The following ELFN1 variants were observed in gnomAD, a reference collection of about 807,000 sequenced individuals.
ELFN1 encodes protein ELFN1.
In ELFN1, 6 loss-of-function variants were observed where a neutral mutation model predicts 7.6. That is an observed-to-expected ratio of 0.79 (90% CI 0.43 to 1.56). The LOEUF (loss-of-function observed/expected upper bound fraction) is 1.56. Ranked by LOEUF, ELFN1 falls within the 40% of genes most tolerant of loss-of-function variation. The probability of loss-of-function intolerance (pLI) is 0.01; values close to 1 mark genes in which losing one functional copy is unlikely to be tolerated. For synonymous variants in ELFN1, 657 were observed against 588.1 expected (o/e 1.12, Z -1.70); for missense variants, 1,169 against 1,232.2 (o/e 0.95, Z 0.77).
rs1274409635 is a variant in ELFN1 at position 1,735,266 on chromosome 7, G to A, written c.-293-9038G>A. On this transcript the variant is annotated intron_variant, in intron 3 of 3. Coordinates refer to ENST00000424383, the MANE Select transcript of ELFN1 (RefSeq NM_001128636.4). The surrounding 1 kb of genome is among the most constrained non-coding windows in gnomAD (Gnocchi z 5.9). ...TGTTCCTGCTCTTGGGGGCAGGGCA[G>A]GGGGAGCCCTGCAGCTTCCATGAGT... Among the ~76,000 whole-genome samples the A allele has an allele frequency of 6.6e-6, 1 of 152,130 alleles. No homozygotes were observed. The highest frequency in any genetic ancestry group is 2.1e-4 in the South Asian group (1 of 4,818).
At chr7:1,721,900 A>G (rs995520749) in intron 3 of ELFN1, among the ~76,000 whole-genome samples, 1 of 152,112 alleles carries the variant, frequency 6.6e-6, no homozygotes, top group African/African-American at 2.4e-5. Context: ...CAGTGATTGT[A>G]TCTGTGCCAT....
chr7:1,743,052 C>T (rs1180850236), intron 3 of ELFN1, among the ~76,000 whole-genome samples: 8 of 150,976 alleles, frequency 5.3e-5, no homozygotes, highest in African/African-American at 2.0e-4. Flanking sequence ...GAGGTGAGGT[C>T]GCACACCAGG....
intron 1 of ELFN1, among the ~76,000 whole-genome samples, chr7:1,678,039 C>T (rs1313801208): frequency 1.3e-5 from 2 of 152,144 alleles, no homozygotes; most frequent in Non-Finnish European, 2.9e-5. Flanking sequence ...TCCCCAGAGA[C>T]AGCTTTTCAG....
chr7:1,733,865 G>A (rs1780375291), intron 3 of ELFN1, among the ~76,000 whole-genome samples: 1 of 152,126 alleles, frequency 6.6e-6, no homozygotes, highest in African/African-American at 2.4e-5. Flanking sequence ...GGAGAGGGGA[G>A]CCAGGCCTCA....
At chr7:1,692,593 G>A (rs750161770) in intron 2 of ELFN1, 1 of 152,476 alleles carries the variant, frequency 6.6e-6, no homozygotes, top group Admixed American at 6.5e-5. Flanking sequence ...AATTGCCTTC[G>A]TCATGTACGC....
intron 1 of ELFN1, among the ~76,000 whole-genome samples, chr7:1,684,877 G>A (rs1779037418): frequency 2.0e-5 from 3 of 152,084 alleles, no homozygotes. Flanking sequence ...AAGAAGTTAA[G>A]GGAAGGAAAG....
At chr7:1,690,557 G>T (rs1001785665) in intron 2 of ELFN1, among the ~76,000 whole-genome samples, 2 of 151,262 alleles carry the variant, frequency 1.3e-5, no homozygotes, top group Non-Finnish European at 3.0e-5. Flanking sequence ...ATGATGGATG[G>T]ATGGGTGAGT....
rs531675703 is a variant in ELFN1, at chr7:1,736,356, G to A, written c.-293-7948G>A. On this transcript the variant is annotated intron_variant, in intron 3 of 3. Coordinates refer to ENST00000424383, the MANE Select transcript of ELFN1 (RefSeq NM_001128636.4). ...TCAGCAGAATCCTCAGTCCAGCCCC[G>A]GCCCCGGCCCCACACCAGCCCTGGC... Among the ~76,000 whole-genome samples the A allele has an allele frequency of 1.2e-4, 18 of 152,208 alleles. No homozygotes were observed. In the East Asian group the frequency reaches 3.1e-3, roughly 26 times the overall value.
chr7:1,672,163 G>A (rs1393466264), intron 1 of ELFN1, among the ~76,000 whole-genome samples: 1 of 152,228 alleles, frequency 6.6e-6, no homozygotes, highest in Non-Finnish European at 1.5e-5. Context: ...CTGAACCAGA[G>A]CCACACTCCT....
chr7:1,702,204 G>C (rs578198556), intron 2 of ELFN1, among the ~76,000 whole-genome samples: 1 of 152,216 alleles, frequency 6.6e-6, no homozygotes, highest in South Asian at 2.1e-4. Flanking sequence ...GTGGGCAAAT[G>C]ACAAGGTCAG....
At chr7:1,736,819 G>C (rs1236949606) in intron 3 of ELFN1, among the ~76,000 whole-genome samples, 1 of 152,146 alleles carries the variant, frequency 6.6e-6, no homozygotes, top group Admixed American at 6.5e-5. Context: ...CTCCTGCTGT[G>C]GCCAGCTCTC....
chr7:1,733,536 C>T (rs1306051910), intron 3 of ELFN1, among the ~76,000 whole-genome samples: 1 of 152,128 alleles, frequency 6.6e-6, no homozygotes, highest in Non-Finnish European at 1.5e-5. Flanking sequence ...CCCCTTCCGA[C>T]TGTGGAAACA....
intron 3 of ELFN1, among the ~76,000 whole-genome samples, chr7:1,736,362 G>A (rs960724148): frequency 2.6e-5 from 4 of 152,084 alleles, no homozygotes; most frequent in South Asian, 2.1e-4. Context: ...CCCCGGCCCC[G>A]GCCCCACACC....
In ELFN1 at chr7:1,746,516, C is replaced by T; in HGVS notation, c.1920C>T (p.Thr640=). The T allele has an allele frequency of 4.1e-6, 6 of 1,470,472 alleles. No individual in the cohort carries two copies. Among genetic ancestry groups the T allele is most frequent in the Non-Finnish European group, 5.4e-6 (6 of 1,120,576 alleles). 91.1% of individuals were successfully genotyped at this position (1,470,472 alleles called of 1,614,324 possible). A position where few individuals can be genotyped will look rare whatever the true frequency, so the allele number is the denominator to read the frequency against. ...CCGCCGGGCCCCCTCGTGCCAGCAC[C>T]TCGTCCAGCGGCTCCGTGCGCAGCC... ...VEAAGPPRAS[T]SSSGSVRSPR... Residue 640 remains threonine (T), a synonymous_variant, in exon 4 of 4, where the codon ACC becomes ACT. Transcript: ENST00000424383.
chr7:1,687,773 T>C (rs1462037513), intron 1 of ELFN1, among the ~76,000 whole-genome samples: 1 of 152,234 alleles, frequency 6.6e-6, no homozygotes, highest in African/African-American at 2.4e-5. Context: ...ATATTGTCAG[T>C]CCTTTTAAAT....
intron 3 of ELFN1, among the ~76,000 whole-genome samples, chr7:1,723,134 C>G (rs991600784): frequency 1.2e-4 from 18 of 152,198 alleles, no homozygotes; most frequent in African/African-American, 4.3e-4. Flanking sequence ...TTGGAAGTTG[C>G]AGTGAGCCAA....
At chr7:1,696,909 G>T (rs1487514507) in intron 2 of ELFN1, among the ~76,000 whole-genome samples, 1 of 152,198 alleles carries the variant, frequency 6.6e-6, no homozygotes, top group Admixed American at 6.5e-5. Flanking sequence ...GCAAAGGAAG[G>T]CATTAGGAAA....
Position 1,705,362 on chromosome 7 carries a change from A to G in ELFN1, c.-455-3729A>G, listed in dbSNP as rs1414991954. 6.6e-6 allele frequency among the ~76,000 whole-genome samples: 1 copy of G among 152,220 alleles called. No individual in the cohort carries two copies. The highest frequency in any genetic ancestry group is 2.4e-5 in the African/African-American group (1 of 41,456). On this transcript the variant is annotated intron_variant, in intron 2 of 3. Transcript: ENST00000424383. This position sits in a 1 kb window ranked among gnomAD's most constrained non-coding sequence, Gnocchi z 4.3. ...ATAAGTGTTTGAAATGCAAATGTCAAGTTTGGGCGCCTTCATTTTTCCAAC... is the reference window on the plus strand; with the variant it reads ...ATAAGTGTTTGAAATGCAAATGTCAGGTTTGGGCGCCTTCATTTTTCCAAC...
intron 1 of ELFN1, among the ~76,000 whole-genome samples, chr7:1,680,923 G>T (rs980583621): frequency 2.6e-5 from 4 of 151,804 alleles, no homozygotes; most frequent in African/African-American, 4.8e-5. Flanking sequence ...TGTATTTTTA[G>T]TAAAGACAGG....
Sources: allele counts gnomAD v4.1 joint callset (sites outside exome capture counted in the v4.1 genomes callset), GRCh38; gene constraint gnomAD v4.1.1; non-coding constraint Gnocchi (gnomAD v3.1); transcripts MANE v1.5; gene names NCBI Gene and HGNC (gene_info 2026-07-23, HGNC 2026-07-21).